Variants in ISM1 observed in about 807,000 individuals in gnomAD.
ISM1 encodes the protein isthmin-1.
A neutral mutation model predicts 46.3 loss-of-function variants in ISM1; 25 were observed. The ratio of observed to expected loss-of-function variants is 0.54; its 90% CI spans 0.39 to 0.75. ISM1 has a LOEUF of 0.75. ISM1 is among the 30% of genes least tolerant of loss of function. The probability of loss-of-function intolerance (pLI) is 0.00; values close to 1 mark genes in which losing one functional copy is unlikely to be tolerated. For missense variants in ISM1, 536 were observed against 625.4 expected (o/e 0.86, Z 1.52); for synonymous variants, 255 against 256.7 (o/e 0.99, Z 0.06).
the ISM1 span, among the ~76,000 whole-genome samples, chr20:13,306,564 C>CAAAAAAAAAAAAAAAAAAAAAAAGAAAA: frequency 1.1e-4 from 7 of 63,912 alleles, no homozygotes; most frequent in Non-Finnish European, 1.6e-4. Flanking sequence ...GGAGAAAGGA[C>CAAAAAAAAAAAAAAAAAAAAAAAGAAAA]AAAAAAAAAA....
Position 13,221,772 on chromosome 20 carries a change from A to G in ISM1, c.-5A>G. 2.1e-6 allele frequency: 3 copies of G among 1,442,488 alleles called. No homozygotes were observed. The highest frequency in any genetic ancestry group is 2.7e-6 in the Non-Finnish European group (3 of 1,102,706). 89.4% of individuals were successfully genotyped at this position (1,442,488 alleles called of 1,614,324 possible). A position where few individuals can be genotyped will look rare whatever the true frequency, so the allele number is the denominator to read the frequency against. ...CCGGGTCCTAAAGCCGCGCGTCTCAAAAGGATGGTGCGCCTGGCGGCCGAG... is the reference window on the plus strand; with the variant it reads ...CCGGGTCCTAAAGCCGCGCGTCTCAGAAGGATGGTGCGCCTGGCGGCCGAG... On this transcript the variant is annotated 5_prime_UTR_variant, in exon 1 of 6. Transcript: ENST00000262487.
chr20:13,241,230 G>A (rs561357553), intron 1 of ISM1, among the ~76,000 whole-genome samples: 18 of 152,096 alleles, frequency 1.2e-4, no homozygotes, highest in Non-Finnish European at 1.5e-4. Context: ...AGTGTCTATT[G>A]GGTAAAGGAA....
downstream of ISM1, among the ~76,000 whole-genome samples, chr20:13,302,635 T>G (rs926643882): frequency 6.6e-6 from 1 of 152,186 alleles, no homozygotes; most frequent in Admixed American, 6.5e-5. Context: ...TTCTGTGGAA[T>G]TCTAAGGAAT....
At chr20:13,314,492 G>C in the ISM1 span, among the ~76,000 whole-genome samples, 1 of 151,452 alleles carries the variant, frequency 6.6e-6, no homozygotes, top group African/African-American at 2.4e-5. Flanking sequence ...TATTGAGAGA[G>C]AGAAAAAAAA....
chr20:13,314,965 T>C, the ISM1 span, among the ~76,000 whole-genome samples: 1 of 152,036 alleles, frequency 6.6e-6, no homozygotes, highest in African/African-American at 2.4e-5. Flanking sequence ...TATTTGAAAG[T>C]GGACTTGGAT....
chr20:13,285,373 G>A (rs2040280687), intron 3 of ISM1, among the ~76,000 whole-genome samples: 1 of 152,192 alleles, frequency 6.6e-6, no homozygotes, highest in Non-Finnish European at 1.5e-5. Context: ...TCACAAGTCC[G>A]TGGGTTGTCT....
intron 1 of ISM1, among the ~76,000 whole-genome samples, chr20:13,236,344 G>C (rs2039649324): frequency 6.6e-6 from 1 of 152,174 alleles, no homozygotes; most frequent in Non-Finnish European, 1.5e-5. Context: ...CATTGAGTTA[G>C]CATGGGAAAG....
In ISM1 at chr20:13,249,812, TTTGTTTTG is replaced by T. The variant is rs892264373; in HGVS notation, c.139-20689_139-20682del. Reference sequence around the variant, plus strand: ...TTTGTTTTGTTTTGTTTTGTTTTGTTTTGTTTTGTTTTGTTTTGTTTTGTTTCCTGGCA... The same window carrying T: ...TTTGTTTTGTTTTGTTTTGTTTTGTTTTTTGTTTTGTTTTGTTTCCTGGCA... On this transcript the variant is annotated intron_variant, in intron 1 of 5. Coordinates refer to ENST00000262487, the MANE Select transcript of ISM1 (RefSeq NM_080826.2). Among the ~76,000 whole-genome samples the T allele has an allele frequency of 4.6e-5, 7 of 151,970 alleles. No homozygotes were observed. In the East Asian group the frequency reaches 1.4e-3, roughly 29 times the overall value.
the ISM1 span, among the ~76,000 whole-genome samples, chr20:13,311,231 T>TAG: frequency 1.3e-4 from 15 of 114,070 alleles, no homozygotes; most frequent in Non-Finnish European, 2.8e-4. Flanking sequence ...GATAGATAGA[T>TAG]AGATAGATAG....
intron 1 of ISM1, among the ~76,000 whole-genome samples, chr20:13,244,948 C>T (rs2039776170): frequency 6.6e-6 from 1 of 152,104 alleles, no homozygotes; most frequent in Non-Finnish European, 1.5e-5. Flanking sequence ...ACCTTGGAAA[C>T]AATGAAAGAA....
Position 13,232,665 on chromosome 20 carries a change from A to G in ISM1, c.138+10751A>G, listed in dbSNP as rs138019324. On this transcript the variant is annotated intron_variant, in intron 1 of 5. Coordinates refer to ENST00000262487, the MANE Select transcript of ISM1 (RefSeq NM_080826.2). ...TACTTTGGAGCAGAATGGTTGGATC[A>G]TATAGCAGTTGTATGTTTAGCTTAT... 3.8e-3 allele frequency among the ~76,000 whole-genome samples: 583 copies of G among 152,380 alleles called. 5 individuals carry two copies. Among genetic ancestry groups the G allele is most frequent in the Middle Eastern group, 0.017 (5 of 294 alleles).
At chr20:13,304,320 G>C (rs556410074), downstream of ISM1, among the ~76,000 whole-genome samples, 82 of 152,284 alleles carry the variant, frequency 5.4e-4, 1 homozygote, top group South Asian at 0.017. Flanking sequence ...AAGAAAGGCA[G>C]CAGAAGAGGC....
At position 13,233,083 on chromosome 20, in the gene ISM1, G is replaced by C. The variant is rs114158348; in HGVS notation, c.138+11169G>C. On this transcript the variant is annotated intron_variant, in intron 1 of 5. Coordinates refer to ENST00000262487, the MANE Select transcript of ISM1 (RefSeq NM_080826.2). ...CCCAGAAGAAAACTCTACTTCTCCC[G>C]TGTCCTGCTGTCCAATATTCCTTGA... is the stretch of plus-strand genomic sequence containing the variant. 3.8e-3 allele frequency among the ~76,000 whole-genome samples: 583 copies of C among 151,430 alleles called. 5 individuals carry two copies. The highest frequency in any genetic ancestry group is 0.018 in the Middle Eastern group (5 of 284).
the ISM1 span, among the ~76,000 whole-genome samples, chr20:13,308,751 A>C: frequency 2.6e-5 from 4 of 152,154 alleles, no homozygotes; most frequent in Non-Finnish European, 5.9e-5. Flanking sequence ...CCAAAATTTA[A>C]ATGTTGAAAT....
At chr20:13,264,786 T>A (rs1177526933) in intron 1 of ISM1, among the ~76,000 whole-genome samples, 2 of 152,224 alleles carry the variant, frequency 1.3e-5, no homozygotes, top group Non-Finnish European at 1.5e-5. Context: ...GGATTTGTCA[T>A]CTGAGAAAAA....
intron 1 of ISM1, among the ~76,000 whole-genome samples, chr20:13,229,387 G>A (rs1951863520): frequency 6.6e-6 from 1 of 152,122 alleles, no homozygotes; most frequent in Admixed American, 6.5e-5. Flanking sequence ...GATTAGTTTT[G>A]CCTGTTCCAG....
intron 1 of ISM1, among the ~76,000 whole-genome samples, chr20:13,222,501 T>TC (rs900041048): frequency 1.3e-5 from 2 of 151,636 alleles, no homozygotes; most frequent in African/African-American, 4.8e-5. Context: ...GGTTCCCCCC[T>TC]CCCCCCTTGT....
intron 2 of ISM1, among the ~76,000 whole-genome samples, chr20:13,273,527 C>T (rs1286592975): frequency 6.6e-6 from 1 of 152,110 alleles, no homozygotes; most frequent in African/African-American, 2.4e-5. Context: ...TGAGTCACTG[C>T]AACTGACCTG....
intron 1 of ISM1, among the ~76,000 whole-genome samples, chr20:13,240,400 C>T (rs2039706072): frequency 6.6e-6 from 1 of 152,112 alleles, no homozygotes; most frequent in Non-Finnish European, 1.5e-5. Context: ...ACACTTGAGT[C>T]CTGAGCTGGG....
Sources: allele counts gnomAD v4.1 joint callset (sites outside exome capture counted in the v4.1 genomes callset), GRCh38; gene constraint gnomAD v4.1.1; transcripts MANE v1.5; gene names NCBI Gene and HGNC (gene_info 2026-07-23, HGNC 2026-07-21).